Variants in PTK2 observed in about 807,000 individuals in gnomAD.
PTK2 encodes focal adhesion kinase 1.
In PTK2, 45 loss-of-function variants were observed where a neutral mutation model predicts 150.1. The ratio of observed to expected loss-of-function variants is 0.30; its 90% CI spans 0.24 to 0.38. The LOEUF is 0.38. Among genes scored for constraint, PTK2 ranks in the 10% least tolerant of loss-of-function variants. The probability of loss-of-function intolerance (pLI) is 1.00; values close to 1 mark genes in which losing one functional copy is unlikely to be tolerated. For synonymous variants in PTK2, 432 were observed against 449.2 expected (o/e 0.96, Z 0.48); for missense variants, 919 against 1,307.3 (o/e 0.70, Z 4.58).
At chr8:140,919,518 A>C (rs181419914) in intron 2 of PTK2, among the ~76,000 whole-genome samples, 4 of 152,190 alleles carry the variant, frequency 2.6e-5, no homozygotes, top group Admixed American at 2.6e-4. Context: ...TTGTGAAGGA[A>C]ATCAGAGCCT....
At chr8:140,658,690 G>A in exon 32 of PTK2, 1 of 216,074 alleles carries the variant, frequency 4.6e-6, no homozygotes, top group East Asian at 6.9e-5. Context: ...AAAGGGGATG[G>A]TTCTGGAACT....
At chr8:140,708,973 A>C (rs2100035325) in intron 23 of PTK2, among the ~76,000 whole-genome samples, 1 of 151,964 alleles carries the variant, frequency 6.6e-6, no homozygotes, top group African/African-American at 2.4e-5. Flanking sequence ...TCAGGCAAAA[A>C]AAAAAAAAAA....
chr8:140,833,582 T>G (rs2100116845), intron 7 of PTK2, among the ~76,000 whole-genome samples: 1 of 152,210 alleles, frequency 6.6e-6, no homozygotes, highest in Admixed American at 6.5e-5. Context: ...GGGACTGGTT[T>G]ACAATGTGCA....
At chr8:140,804,497 G>A (rs187257610) in intron 10 of PTK2, among the ~76,000 whole-genome samples, 52 of 151,768 alleles carry the variant, frequency 3.4e-4, no homozygotes, top group African/African-American at 1.2e-3. Flanking sequence ...CTGAGTCTGC[G>A]CCACTGCACT....
At chr8:141,000,459 C>T (rs2100199706) in intron 1 of PTK2, among the ~76,000 whole-genome samples, 1 of 152,198 alleles carries the variant, frequency 6.6e-6, no homozygotes, top group Non-Finnish European at 1.5e-5. Flanking sequence ...GAGCCTCCCT[C>T]TCGCGTCCGG....
Position 140,670,540 on chromosome 8 carries a change from T to G in PTK2, c.2710-2116A>C, listed in dbSNP as rs28508037. ...ACACACACACACACACACACACACA[T>G]TGGGAGCTTATTTTAAAAACAAAAA... is the stretch of plus-strand genomic sequence containing the variant. On this transcript the variant is annotated intron_variant, in intron 29 of 31. Transcript: ENST00000522684. Among the ~76,000 whole-genome samples the G allele has an allele frequency of 1.1e-4, 11 of 96,430 alleles. No individual in the cohort carries two copies. In the South Asian group the frequency reaches 3.9e-3, roughly 35 times the overall value. 63.3% of individuals were successfully genotyped at this position (96,430 alleles called of 152,430 possible). A position where few individuals can be genotyped will look rare whatever the true frequency, so the allele number is the denominator to read the frequency against.
At chr8:140,673,891 T>C (rs1384664869) in intron 29 of PTK2, among the ~76,000 whole-genome samples, 1 of 152,166 alleles carries the variant, frequency 6.6e-6, no homozygotes, top group Non-Finnish European at 1.5e-5. Flanking sequence ...TAAATAAGTC[T>C]TCCATGAAGC....
chr8:140,966,726 C>A (rs1017717226), intron 1 of PTK2, among the ~76,000 whole-genome samples: 1 of 152,050 alleles, frequency 6.6e-6, no homozygotes, highest in African/African-American at 2.4e-5. Flanking sequence ...TGTTTATCTC[C>A]ACATTCTCAA....
At chr8:140,992,293 GAAA>G (rs397949814) in intron 1 of PTK2, among the ~76,000 whole-genome samples, 6 of 120,628 alleles carry the variant, frequency 5.0e-5, no homozygotes, top group African/African-American at 9.1e-5. Flanking sequence ...CTTCATCTCG[GAAA>G]AAAAAAAAAA....
At chr8:140,705,095 A>G (rs1055138408) in intron 24 of PTK2, among the ~76,000 whole-genome samples, 1 of 152,174 alleles carries the variant, frequency 6.6e-6, no homozygotes. Context: ...GGGCTCCAGA[A>G]TTAGACATTA....
At chr8:140,952,640 T>G (rs1389371937) in intron 1 of PTK2, among the ~76,000 whole-genome samples, 1 of 152,216 alleles carries the variant, frequency 6.6e-6, no homozygotes, top group African/African-American at 2.4e-5. Context: ...TAAATTATCA[T>G]GAATTCTGAC....
intron 3 of PTK2, among the ~76,000 whole-genome samples, chr8:140,889,587 C>G (rs1037583216): frequency 6.8e-5 from 10 of 147,064 alleles, no homozygotes; most frequent in Non-Finnish European, 1.2e-4. Flanking sequence ...ATAATAAGGG[C>G]ATGTAAGTTA....
chr8:140,943,190 C>T (rs142554618), intron 1 of PTK2, among the ~76,000 whole-genome samples: 20 of 152,302 alleles, frequency 1.3e-4, no homozygotes, highest in Middle Eastern at 3.4e-3. Flanking sequence ...ACCACCACCA[C>T]GCTGAAGACA....
At chr8:140,971,556 T>C (rs2100187289) in intron 1 of PTK2, among the ~76,000 whole-genome samples, 1 of 152,226 alleles carries the variant, frequency 6.6e-6, no homozygotes, top group African/African-American at 2.4e-5. Context: ...AAACACTGAA[T>C]AGCTCTGCAA....
At chr8:140,971,135 T>C (rs1453736803) in intron 1 of PTK2, among the ~76,000 whole-genome samples, 1 of 152,152 alleles carries the variant, frequency 6.6e-6, no homozygotes, top group Non-Finnish European at 1.5e-5. Flanking sequence ...CAAATAATAT[T>C]TTCAAAGCTG....
intron 1 of PTK2, among the ~76,000 whole-genome samples, chr8:140,965,445 C>T (rs771917107): frequency 6.6e-6 from 1 of 152,182 alleles, no homozygotes; most frequent in Non-Finnish European, 1.5e-5. Context: ...CAGACACAAG[C>T]CATGCACTGC....
intron 1 of PTK2, among the ~76,000 whole-genome samples, chr8:140,929,110 C>T (rs1476056748): frequency 3.4e-5 from 5 of 148,386 alleles, no homozygotes; most frequent in East Asian, 2.0e-4. Flanking sequence ...GGACTACAGG[C>T]GCCCGCCACT....
chr8:140,946,413 A>G (rs2100177720), intron 1 of PTK2, among the ~76,000 whole-genome samples: 1 of 152,232 alleles, frequency 6.6e-6, no homozygotes, highest in Non-Finnish European at 1.5e-5. Flanking sequence ...AAGACCACGT[A>G]AGAGAGAGAA....
At chr8:140,785,042 T>C (rs2100084117) in intron 14 of PTK2, among the ~76,000 whole-genome samples, 1 of 152,238 alleles carries the variant, frequency 6.6e-6, no homozygotes, top group Non-Finnish European at 1.5e-5. Flanking sequence ...CCTAAAGTTA[T>C]CTAGATCCTC....
Sources: allele counts gnomAD v4.1 joint callset (sites outside exome capture counted in the v4.1 genomes callset), GRCh38; gene constraint gnomAD v4.1.1; transcripts MANE v1.5; gene names NCBI Gene and HGNC (gene_info 2026-07-23, HGNC 2026-07-21).